The following RAB3C variants were observed in gnomAD, a reference collection of about 807,000 sequenced individuals.
RAB3C encodes the protein ras-related protein Rab-3C.
Under a neutral mutation model 26.4 loss-of-function variants are expected in RAB3C, and 17 were observed. That is an observed-to-expected ratio of 0.64 (90% CI 0.44 to 0.97). RAB3C has a LOEUF of 0.97. Ranked by LOEUF, RAB3C falls within the 50% of genes least tolerant of loss-of-function variation. The probability of loss-of-function intolerance (pLI) is 0.00; values close to 1 mark genes in which losing one functional copy is unlikely to be tolerated. For missense variants in RAB3C, 242 were observed against 281.9 expected, an observed-to-expected ratio of 0.86 and a Z score of 1.01; for synonymous variants, 91 against 95.9, an observed-to-expected ratio of 0.95 and a Z score of 0.30.
chr5:58,823,442 T>C, intron 3 of RAB3C: 1 of 158,238 alleles, frequency 6.3e-6, no homozygotes, highest in Non-Finnish European at 1.4e-5. Context: ...GACGATTGCT[T>C]GAGCCCAGGA....
rs1743442909 is a variant in RAB3C at position 58,825,087 on chromosome 5, GTTGGGAAC to G, written c.422_429del (p.Val141GlufsTer3). 6.2e-7 allele frequency: 1 copy of G among 1,613,368 alleles called. No individual in the cohort carries two copies. Among genetic ancestry groups the G allele is most frequent in the Non-Finnish European group, 8.5e-7 (1 of 1,179,630 alleles). On this transcript the variant is annotated frameshift_variant, in exon 4 of 5. Transcript: ENST00000282878. LOFTEE classifies it high-confidence loss of function. ...TTGGGACAATGCCCAAGTTATTCTG[GTTGGGAAC>G]AAGTGTGACATGGAAGACGAGCGGG...
At chr5:58,723,461 T>C (rs894827915) in intron 2 of RAB3C, among the ~76,000 whole-genome samples, 1 of 151,892 alleles carries the variant, frequency 6.6e-6, no homozygotes, top group Non-Finnish European at 1.5e-5. Context: ...GCCTACATTC[T>C]TCCAGAATAA....
At chr5:58,704,344 G>A (rs1748904199) in intron 2 of RAB3C, among the ~76,000 whole-genome samples, 1 of 152,154 alleles carries the variant, frequency 6.6e-6, no homozygotes. Context: ...CATGTAATTT[G>A]TGGTTCATAA....
chr5:58,598,314 T>G (rs1746372609), intron 1 of RAB3C, among the ~76,000 whole-genome samples: 2 of 151,420 alleles, frequency 1.3e-5, no homozygotes, highest in Admixed American at 1.3e-4. Context: ...AATAATGATA[T>G]TGTAGACTTC....
chr5:58,814,345 T>G (rs1743164361), intron 3 of RAB3C, among the ~76,000 whole-genome samples: 1 of 152,142 alleles, frequency 6.6e-6, no homozygotes, highest in African/African-American at 2.4e-5. Context: ...CAAACCTCGG[T>G]GTTCAGGCTT....
At chr5:58,699,247 G>A (rs1450253393) in intron 2 of RAB3C, among the ~76,000 whole-genome samples, 1 of 152,178 alleles carries the variant, frequency 6.6e-6, no homozygotes, top group Non-Finnish European at 1.5e-5. Flanking sequence ...TGCCTGGGTA[G>A]CATCAGCAGA....
Position 58,854,289 on chromosome 5 carries a change from A to G in RAB3C, c.*2938A>G, listed in dbSNP as rs1370405990. The G allele has an allele frequency of 6.6e-6, 1 of 152,070 alleles. No homozygotes were observed. 9.4% of individuals were successfully genotyped at this position (152,070 alleles called of 1,614,324 possible). ...TTCCTTTGCTACTCATTACCTGACC[A>G]CTTTCACTCCTCTAGATACCCTTAG... On this transcript the variant is annotated 3_prime_UTR_variant, in exon 5 of 5. Coordinates refer to ENST00000282878, the MANE Select transcript of RAB3C (RefSeq NM_138453.4).
At chr5:58,803,909 A>T (rs544321940) in intron 3 of RAB3C, among the ~76,000 whole-genome samples, 2 of 151,886 alleles carry the variant, frequency 1.3e-5, no homozygotes, top group African/African-American at 4.8e-5. Flanking sequence ...AAATACAAAA[A>T]ATTAGCCAGG....
intron 3 of RAB3C, among the ~76,000 whole-genome samples, chr5:58,777,578 T>C (rs1412469986): frequency 6.6e-6 from 1 of 151,904 alleles, no homozygotes; most frequent in East Asian, 1.9e-4. Flanking sequence ...GGGAATTTCT[T>C]GAAAGGAAAG....
intron 2 of RAB3C, among the ~76,000 whole-genome samples, chr5:58,630,762 A>G (rs1267141083): frequency 6.6e-6 from 1 of 152,200 alleles, no homozygotes; most frequent in Admixed American, 6.5e-5. Flanking sequence ...TTCAGACCAC[A>G]TTTTCAATAC....
At chr5:58,701,745 C>T (rs551877030) in intron 2 of RAB3C, among the ~76,000 whole-genome samples, 2 of 152,262 alleles carry the variant, frequency 1.3e-5, no homozygotes, top group Admixed American at 1.3e-4. Flanking sequence ...AACAAGATAG[C>T]ACCTCATCAA....
At chr5:58,659,128 C>A (rs1747843561) in intron 2 of RAB3C, among the ~76,000 whole-genome samples, 1 of 152,192 alleles carries the variant, frequency 6.6e-6, no homozygotes, top group South Asian at 2.1e-4. Flanking sequence ...TTTATAATCA[C>A]ACAGTGAATT....
chr5:58,781,479 A>T (rs531646415), intron 3 of RAB3C, among the ~76,000 whole-genome samples: 24 of 152,204 alleles, frequency 1.6e-4, no homozygotes, highest in African/African-American at 5.5e-4. Flanking sequence ...TCCTAACTAC[A>T]GTAGCACCAT....
chr5:58,690,828 T>C (rs897335775), intron 2 of RAB3C, among the ~76,000 whole-genome samples: 2 of 152,282 alleles, frequency 1.3e-5, no homozygotes, highest in East Asian at 1.9e-4. Context: ...TGGAGATCAT[T>C]AATATTTCTT....
At chr5:58,594,235 G>T (rs1483583676) in intron 1 of RAB3C, among the ~76,000 whole-genome samples, 1 of 152,194 alleles carries the variant, frequency 6.6e-6, no homozygotes, top group Non-Finnish European at 1.5e-5. Context: ...AGAGCCTGAA[G>T]AACAGATATG....
intron 2 of RAB3C, among the ~76,000 whole-genome samples, chr5:58,720,016 G>T (rs370631101): frequency 6.6e-6 from 1 of 151,906 alleles, no homozygotes; most frequent in Non-Finnish European, 1.5e-5. Context: ...AGGTTCTGGG[G>T]TGAGGAATTC....
intron 2 of RAB3C, among the ~76,000 whole-genome samples, chr5:58,639,327 C>A (rs987393248): frequency 2.0e-5 from 3 of 152,122 alleles, no homozygotes; most frequent in Non-Finnish European, 4.4e-5. Flanking sequence ...CTGTCTCACC[C>A]TCCCTGTCTT....
At chr5:58,646,554 G>A (rs1747524780) in intron 2 of RAB3C, among the ~76,000 whole-genome samples, 1 of 152,112 alleles carries the variant, frequency 6.6e-6, no homozygotes, top group Non-Finnish European at 1.5e-5. Context: ...TCCCAGGCCT[G>A]CTGTGGGGTT....
At chr5:58,611,314 C>T (rs1579815665) in intron 1 of RAB3C, among the ~76,000 whole-genome samples, 1 of 143,008 alleles carries the variant, frequency 7.0e-6, no homozygotes, top group Admixed American at 7.1e-5. Context: ...ACACTGTCTT[C>T]CACAATGGTT....
Sources: allele counts gnomAD v4.1 joint callset (sites outside exome capture counted in the v4.1 genomes callset), GRCh38; gene constraint gnomAD v4.1.1; transcripts MANE v1.5; gene names NCBI Gene and HGNC (gene_info 2026-07-23, HGNC 2026-07-21).